Variants in SYNE1 observed in about 807,000 individuals in gnomAD.
SYNE1 encodes nesprin-1.
Under a neutral mutation model 1,111.0 loss-of-function variants are expected in SYNE1, and 616 were observed. That is an observed-to-expected ratio of 0.55 (90% CI 0.52 to 0.59). SYNE1 has a LOEUF of 0.59. Among genes scored for constraint, SYNE1 ranks in the 20% least tolerant of loss-of-function variants. SYNE1 has a pLI of 0.00. For synonymous variants in SYNE1, 3,855 were observed against 3,825.8 expected, an observed-to-expected ratio of 1.01 and a Z score of -0.28; for missense variants, 10,006 against 10,417.0, an observed-to-expected ratio of 0.96 and a Z score of 1.72.
At chr6:152,427,649 A>G (rs1304364543) in intron 38 of SYNE1, 44 bp downstream of exon 38, 3 of 1,611,888 alleles carry the variant, frequency 1.9e-6, no homozygotes, top group East Asian at 2.2e-5. Context: ...AACTGTAACA[A>G]AAAGCATTTT....
Position 152,390,198 on chromosome 6 carries a change from C to T in SYNE1, c.8177+82G>A, listed in dbSNP as rs188240809. 2.4e-5 allele frequency: 36 copies of T among 1,500,346 alleles called. No individual in the cohort carries two copies. The East Asian group carries it at 3.0e-4, about 12-fold the overall frequency. 92.9% of individuals were successfully genotyped at this position (1,500,346 alleles called of 1,614,324 possible). On this transcript the variant is annotated intron_variant, in intron 53 of 145. Coordinates refer to ENST00000367255, the MANE Select transcript of SYNE1 (RefSeq NM_182961.4). ...ACAGTAAAATGCTTGGGAATTCCACCCCAGGAGACCTCAGTACTGCTCCAT... is the reference window on the plus strand; with the variant it reads ...ACAGTAAAATGCTTGGGAATTCCACTCCAGGAGACCTCAGTACTGCTCCAT...
intron 14 of SYNE1, among the ~76,000 whole-genome samples, chr6:152,476,958 G>A (rs1436197779): frequency 6.6e-6 from 1 of 151,968 alleles, no homozygotes; most frequent in Non-Finnish European, 1.5e-5. Flanking sequence ...ATGCCAAAGT[G>A]TGATTAAGGA....
In SYNE1 at chr6:152,628,479, G is replaced by T; in HGVS notation, c.-148C>A. The T allele has an allele frequency of 1.3e-6, 1 of 773,290 alleles. No homozygotes were observed. Among genetic ancestry groups the T allele is most frequent in the Non-Finnish European group, 2.2e-6 (1 of 444,878 alleles). 47.9% of individuals were successfully genotyped at this position (773,290 alleles called of 1,614,324 possible). A position where few individuals can be genotyped will look rare whatever the true frequency, so the allele number is the denominator to read the frequency against. On this transcript the variant is annotated 5_prime_UTR_variant, in exon 3 of 146. Coordinates refer to ENST00000367255, the MANE Select transcript of SYNE1 (RefSeq NM_182961.4). ...GGCCTTTGCAGCACTCAACAAGGAG[G>T]CAGCTCTCCCAAAGACTGAACTGCT...
At chr6:152,157,611 G>A (rs566926606) in intron 131 of SYNE1, among the ~76,000 whole-genome samples, 10 of 152,038 alleles carry the variant, frequency 6.6e-5, no homozygotes, top group East Asian at 5.8e-4. Context: ...CAGAGGTGAC[G>A]GACACCCCAA....
rs764156695 is a variant in SYNE1, at chr6:152,465,506, T to C, written c.1730-46A>G. 3.2e-6 allele frequency: 5 copies of C among 1,548,502 alleles called. No individual in the cohort carries two copies. In the African/African-American group the frequency reaches 6.8e-5, roughly 21 times the overall value. ...TATAACCCTTATCTCATATTTTAAA[T>C]CCTCTACACCTTTTTTTCTATGGTC... is the stretch of plus-strand genomic sequence containing the variant. On this transcript the variant is annotated intron_variant, in intron 17 of 145. Transcript: ENST00000367255.
intron 132 of SYNE1, 47 bp downstream of exon 132, chr6:152,155,863 C>CT: frequency 6.2e-7 from 1 of 1,608,816 alleles, no homozygotes; most frequent in South Asian, 1.1e-5. Context: ...TTTTTATTTT[C>CT]TTTTTGGTCT....
At chr6:152,555,164 A>G (rs758141963) in intron 3 of SYNE1, among the ~76,000 whole-genome samples, 2 of 152,216 alleles carry the variant, frequency 1.3e-5, no homozygotes, top group Non-Finnish European at 2.9e-5. Context: ...TTTTGTTACA[A>G]TTATTATATC....
chr6:152,126,385 A>G (rs1289937745), intron 145 of SYNE1: 1 of 152,208 alleles, frequency 6.6e-6, no homozygotes, highest in Non-Finnish European at 1.5e-5. Flanking sequence ...CTGTGCTAAA[A>G]ATCACCTAAG....
intron 98 of SYNE1, among the ~76,000 whole-genome samples, chr6:152,272,028 T>C (rs1254701033): frequency 1.3e-5 from 2 of 152,262 alleles, no homozygotes. Flanking sequence ...AATTTGGATT[T>C]GGAACACTGA....
chr6:152,416,419 C>G lies in SYNE1; in HGVS notation c.6018G>C (p.Leu2006Phe). Residue 2006 changes from leucine to phenylalanine, a missense_variant, in exon 41 of 146, where the codon TTG becomes TTC. Leu to Phe is a conservative substitution (Grantham distance 22, BLOSUM62 0). Transcript: ENST00000367255. Reference protein sequence around the residue: ...DIEERTDKERLKEPTRQALQQ... With the variant: ...DIEERTDKERFKEPTRQALQQ... ...GAAGAGCTTGGCGGGTAGGTTCTTTCAATCGCTCTTTGTCAGTCCTTTCTT... is the reference window on the plus strand; with the variant it reads ...GAAGAGCTTGGCGGGTAGGTTCTTTGAATCGCTCTTTGTCAGTCCTTTCTT... 2 of 1,614,124 alleles carry G rather than the reference C, an allele frequency of 1.2e-6. No individual in the cohort carries two copies. The highest frequency in any genetic ancestry group is 1.7e-5 in the Admixed American group (1 of 60,018).
At chr6:152,526,442 A>C (rs2099164101) in intron 4 of SYNE1, among the ~76,000 whole-genome samples, 1 of 152,330 alleles carries the variant, frequency 6.6e-6, no homozygotes, top group East Asian at 1.9e-4. Context: ...CTTTCTAGAA[A>C]GTGATTTTTG....
intron 87 of SYNE1, chr6:152,316,497 T>C (rs994926484): frequency 2.5e-5 from 8 of 319,732 alleles, no homozygotes; most frequent in Non-Finnish European, 4.1e-5. Flanking sequence ...GAGTCTAGAA[T>C]CTTTCCACAC....
chr6:152,465,606 C>A, intron 17 of SYNE1, 146 bp from the exon 18 acceptor site: 1 of 774,352 alleles, frequency 1.3e-6, no homozygotes, highest in Non-Finnish European at 2.1e-6. Flanking sequence ...GACATAATTA[C>A]AAATGGAAAA....
chr6:152,386,085 T>C (rs1050561316), intron 54 of SYNE1, among the ~76,000 whole-genome samples: 1 of 152,242 alleles, frequency 6.6e-6, no homozygotes, highest in Admixed American at 6.5e-5. Flanking sequence ...TCATGCTTAA[T>C]TCATGTTGGC....
intron 51 of SYNE1, 58 bp downstream of exon 51, chr6:152,395,458 A>G: frequency 6.4e-7 from 1 of 1,571,318 alleles, no homozygotes; most frequent in Non-Finnish European, 8.6e-7. Flanking sequence ...CAACCAACCA[A>G]CCAACTAGTC....
At chr6:152,565,867 A>G (rs2099411869) in intron 3 of SYNE1, among the ~76,000 whole-genome samples, 1 of 152,214 alleles carries the variant, frequency 6.6e-6, no homozygotes, top group Non-Finnish European at 1.5e-5. Context: ...AAAAGTTAGA[A>G]TAAACATCGT....
intron 3 of SYNE1, among the ~76,000 whole-genome samples, chr6:152,556,582 T>C (rs978517552): frequency 6.6e-6 from 1 of 152,258 alleles, no homozygotes; most frequent in South Asian, 2.1e-4. Context: ...TTTTAGGCCA[T>C]CCTCCACAGA....
At chr6:152,324,984 T>G in intron 81 of SYNE1, 100 bp downstream of exon 81, 1 of 1,386,712 alleles carries the variant, frequency 7.2e-7, no homozygotes, top group Admixed American at 1.7e-5. Flanking sequence ...CCTTTATTAC[T>G]TTCATAAGGC....
chr6:152,332,933 A>G (rs1349720609), intron 77 of SYNE1, among the ~76,000 whole-genome samples: 1 of 152,206 alleles, frequency 6.6e-6, no homozygotes, highest in East Asian at 1.9e-4. Flanking sequence ...TGTGGGGCCT[A>G]CTGTGAGCCA....
Sources: allele counts gnomAD v4.1 joint callset (sites outside exome capture counted in the v4.1 genomes callset), GRCh38; gene constraint gnomAD v4.1.1; transcripts MANE v1.5; gene names NCBI Gene and HGNC (gene_info 2026-07-23, HGNC 2026-07-21).